WDR4: variants seen among roughly 807,000 people sequenced by gnomAD.
The protein encoded by WDR4 is WDR4 tRNA N7-guanosine methyltransferase non-catalytic subunit.
WDR4 carries 47 observed loss-of-function variants against 48.6 expected under a neutral mutation model. That is an observed-to-expected ratio of 0.97 (90% CI 0.77 to 1.23). The LOEUF is 1.23. Ranked by LOEUF, WDR4 falls within the 50% of genes most tolerant of loss-of-function variation. The pLI, the probability that WDR4 is intolerant of heterozygous loss-of-function variation, is 0.00. For synonymous variants in WDR4, 268 were observed against 230.0 expected (o/e 1.17, Z -1.49); for missense variants, 606 against 551.6 (o/e 1.10, Z -0.99).
At chr21:42,878,049 AAAAAAAAG>A (rs906937276) in intron 1 of WDR4, among the ~76,000 whole-genome samples, 1 of 151,562 alleles carries the variant, frequency 6.6e-6, no homozygotes, top group African/African-American at 2.4e-5. Flanking sequence ...CTCAAAAAAA[AAAAAAAAG>A]AAAAAAAAGA....
intron 10 of WDR4, among the ~76,000 whole-genome samples, chr21:42,850,861 A>C (rs1321617221): frequency 6.6e-6 from 1 of 152,204 alleles, no homozygotes; most frequent in African/African-American, 2.4e-5. Context: ...GATTGGGGGC[A>C]ATGACTGACC....
chr21:42,887,130 T>C, the WDR4 span, among the ~76,000 whole-genome samples: 1 of 152,072 alleles, frequency 6.6e-6, no homozygotes, highest in Non-Finnish European at 1.5e-5. Flanking sequence ...GTAGCTGGGA[T>C]TACAGGCAAG....
chr21:42,854,664 G>A, intron 7 of WDR4, 38 bp from the exon 8 acceptor site: 1 of 1,601,424 alleles, frequency 6.2e-7, no homozygotes, highest in South Asian at 1.1e-5. Flanking sequence ...CACGCCACCT[G>A]CAGGGGCCCG....
intron 8 of WDR4, 86 bp from the exon 9 acceptor site, chr21:42,853,838 C>G: frequency 7.2e-7 from 1 of 1,392,204 alleles, no homozygotes; most frequent in Non-Finnish European, 9.7e-7. Flanking sequence ...CGGTGCAGCC[C>G]TCGCCGGTGC....
At chr21:42,845,059 A>G (rs1364640002), downstream of WDR4, among the ~76,000 whole-genome samples, 2 of 152,222 alleles carry the variant, frequency 1.3e-5, no homozygotes, top group Non-Finnish European at 2.9e-5. Flanking sequence ...TGCACTGGGC[A>G]CGGAGAGGCA....
chr21:42,855,930 T>A (rs1426273760), intron 6 of WDR4, 150 bp from the exon 7 acceptor site: 8 of 507,532 alleles, frequency 1.6e-5, no homozygotes, highest in Non-Finnish European at 2.4e-5. Context: ...GCTCTGACTG[T>A]GTAAATCGCT....
chr21:42,847,557 G>A (rs903469264), downstream of WDR4, among the ~76,000 whole-genome samples: 2 of 152,236 alleles, frequency 1.3e-5, no homozygotes, highest in Non-Finnish European at 2.9e-5. Flanking sequence ...TCCTGGTGGA[G>A]AGACGCGGCC....
At chr21:42,847,523 C>A (rs1182114792), downstream of WDR4, among the ~76,000 whole-genome samples, 1 of 152,194 alleles carries the variant, frequency 6.6e-6, no homozygotes. Flanking sequence ...GGGGAAGAAG[C>A]AGAGCCTCAG....
intron 6 of WDR4, 97 bp from the exon 7 acceptor site, chr21:42,855,877 C>G (rs1026099952): frequency 1.1e-6 from 1 of 889,386 alleles, no homozygotes; most frequent in South Asian, 2.5e-5. Flanking sequence ...GGTTCCACTC[C>G]GTGACAGCCA....
intron 10 of WDR4, among the ~76,000 whole-genome samples, chr21:42,851,652 C>A (rs2057830899): frequency 6.6e-6 from 1 of 152,206 alleles, no homozygotes; most frequent in African/African-American, 2.4e-5. Context: ...TGTGTCGTGT[C>A]CCCAGAAGGC....
Position 42,862,553 on chromosome 21 carries a change from G to A in WDR4, c.454-159C>T, listed in dbSNP as rs1367959196. Among the ~76,000 whole-genome samples the A allele has an allele frequency of 3.3e-5, 5 of 152,128 alleles. No homozygotes were observed. The highest frequency in any genetic ancestry group is 1.3e-4 in the Admixed American group (2 of 15,282). On this transcript the variant is annotated intron_variant, in intron 4 of 10. Coordinates refer to ENST00000398208, the MANE Select transcript of WDR4 (RefSeq NM_018669.6). This position sits in a 1 kb window ranked among gnomAD's most constrained non-coding sequence, Gnocchi z 4.3. ...GCTCCTCCCCTCCTCCCGTCCCTAC[G>A]TCTAATTGGTGGCCCTCATTCTCCC...
chr21:42,845,017 A>T (rs1049643063), downstream of WDR4, among the ~76,000 whole-genome samples: 2 of 152,234 alleles, frequency 1.3e-5, no homozygotes, highest in African/African-American at 4.8e-5. Flanking sequence ...GGGAGGGCCC[A>T]GCCCAGGGTC....
At position 42,863,491 on chromosome 21, in the gene WDR4, T is replaced by C; in HGVS notation, c.402A>G (p.Pro134=). The change falls in exon 4 of 11, where the codon CCA becomes CCG. Residue 134 remains proline, a synonymous_variant. Coordinates refer to ENST00000398208, the MANE Select transcript of WDR4 (RefSeq NM_018669.6). ...GDVYSFSVLE[P]HGCGRLELGH... ...CCAGCTCTAGACGGCCACACCCGTG[T>C]GGCTCCAGCACCGAAAAGGAGTAGA... 6.2e-7 allele frequency: 1 copy of C among 1,613,908 alleles called. No homozygotes were observed. The highest frequency in any genetic ancestry group is 8.5e-7 in the Non-Finnish European group (1 of 1,179,940).
intron 6 of WDR4, 75 bp downstream of exon 6, chr21:42,859,587 T>C: frequency 1.2e-5 from 9 of 732,450 alleles, no homozygotes; most frequent in East Asian, 3.5e-5. Context: ...AGGGGCCAGG[T>C]CCAGGAGGCG....
At chr21:42,848,150 G>A (rs1057441096), downstream of WDR4, among the ~76,000 whole-genome samples, 1 of 152,158 alleles carries the variant, frequency 6.6e-6, no homozygotes, top group South Asian at 2.1e-4. Context: ...AGTACCCAGC[G>A]ATACCCCACA....
At chr21:42,859,325 C>A (rs1274469010) in intron 6 of WDR4, among the ~76,000 whole-genome samples, 1 of 152,134 alleles carries the variant, frequency 6.6e-6, no homozygotes, top group Non-Finnish European at 1.5e-5. Flanking sequence ...GAGACCCCTC[C>A]AAGAGTCAGA....
In WDR4 at chr21:42,855,779, T is replaced by C; in HGVS notation, c.629A>G (p.Asp210Gly). ...QPGLLLSSSGDGTLRLWEYRS... is the reference protein window; with the variant it reads ...QPGLLLSSSGGGTLRLWEYRS... ...GTACTCCCAGAGCCTCAGGGTGCCG[T>C]CCTGCACAAACCAAACACACAGGTT... The change falls in exon 7 of 11, where the codon GAC (aspartate) becomes GGC (glycine). Residue 210 changes from aspartate to glycine, a missense_variant and splice_region_variant. Coordinates refer to ENST00000398208, the MANE Select transcript of WDR4 (RefSeq NM_018669.6). The C allele has an allele frequency of 6.5e-7, 1 of 1,548,562 alleles. No homozygotes were observed. Among genetic ancestry groups the C allele is most frequent in the Non-Finnish European group, 8.7e-7 (1 of 1,145,014 alleles).
intron 5 of WDR4, among the ~76,000 whole-genome samples, chr21:42,861,262 C>G (rs964174041): frequency 7.2e-6 from 1 of 138,386 alleles, no homozygotes; most frequent in Non-Finnish European, 1.5e-5. Context: ...TGCAGTGAGC[C>G]AAGATCACGC....
chr21:42,865,524 T>G (rs927664064), intron 3 of WDR4, among the ~76,000 whole-genome samples: 4 of 152,030 alleles, frequency 2.6e-5, no homozygotes, highest in African/African-American at 9.7e-5. Context: ...AGGGCACTGC[T>G]CCGCGTCCCT....
Sources: allele counts gnomAD v4.1 joint callset (sites outside exome capture counted in the v4.1 genomes callset), GRCh38; gene constraint gnomAD v4.1.1; non-coding constraint Gnocchi (gnomAD v3.1); transcripts MANE v1.5; gene names NCBI Gene and HGNC (gene_info 2026-07-23, HGNC 2026-07-21).